MOCOS: variants seen among roughly 807,000 people sequenced by gnomAD.
MOCOS encodes molybdenum cofactor sulfurase.
A neutral mutation model predicts 83.6 loss-of-function variants in MOCOS; 86 were observed. The observed-to-expected ratio is 1.03, with a 90% CI of 0.86 to 1.23. The LOEUF is 1.23. Ranked by LOEUF, MOCOS falls within the 50% of genes most tolerant of loss-of-function variation. MOCOS has a pLI of 0.00. For missense variants in MOCOS, 1,120 were observed against 1,126.9 expected (o/e 0.99, Z 0.09); for synonymous variants, 445 against 434.7 (o/e 1.02, Z -0.29).
chr18:36,231,642 G>C (rs1225222350), intron 9 of MOCOS, among the ~76,000 whole-genome samples: 1 of 152,184 alleles, frequency 6.6e-6, no homozygotes, highest in Non-Finnish European at 1.5e-5. Flanking sequence ...AATGAGATTT[G>C]ACACTCTATG....
chr18:36,204,154 T>A (rs142333990), intron 5 of MOCOS, among the ~76,000 whole-genome samples: 5 of 152,350 alleles, frequency 3.3e-5, no homozygotes, highest in African/African-American at 1.2e-4. Context: ...CACAATGTCG[T>A]GCCACCATCA....
chr18:36,213,661 G>A (rs1428052960), intron 7 of MOCOS, among the ~76,000 whole-genome samples, 179 bp downstream of exon 7: 1 of 152,250 alleles, frequency 6.6e-6, no homozygotes, highest in Non-Finnish European at 1.5e-5. Flanking sequence ...GGGTGCGGTG[G>A]CTCACGCCTG....
At chr18:36,204,887 G>A (rs562296959) in intron 5 of MOCOS, among the ~76,000 whole-genome samples, 190 bp from the exon 6 acceptor site, 1 of 150,620 alleles carries the variant, frequency 6.6e-6, no homozygotes, top group East Asian at 2.0e-4. Context: ...CAGCTACTTG[G>A]GAGGCTGAGG....
At chr18:36,235,440 G>A (rs551224070) in intron 9 of MOCOS, among the ~76,000 whole-genome samples, 1 of 125,572 alleles carries the variant, frequency 8.0e-6, no homozygotes, top group Non-Finnish European at 1.7e-5. Flanking sequence ...TTTCATCCAT[G>A]TCCCTACAAA....
At position 36,205,150 on chromosome 18, in the gene MOCOS, G is replaced by A; in HGVS notation, c.1092G>A (p.Gln364=). Residue 364 remains glutamine (Q), a synonymous_variant, in exon 6 of 15, where the codon CAG becomes CAA. Coordinates refer to ENST00000261326, the MANE Select transcript of MOCOS (RefSeq NM_017947.4). ...QYTYVALSSL[Q]YPNGAPVVRI... is the part of the protein sequence containing the mutation. ...CCTACGTGGCCCTGTCCTCTCTCCA[G>A]TACCCCAATGGAGCCCCTGTGGTGC... The A allele has an allele frequency of 6.2e-7, 1 of 1,613,588 alleles. No individual in the cohort carries two copies. Among genetic ancestry groups the A allele is most frequent in the South Asian group, 1.1e-5 (1 of 91,066 alleles).
intron 9 of MOCOS, among the ~76,000 whole-genome samples, chr18:36,220,513 G>GA (rs1197762549): frequency 1.3e-5 from 2 of 151,934 alleles, no homozygotes; most frequent in African/African-American, 4.8e-5. Flanking sequence ...TGTATCAAGG[G>GA]AAAAAATGGG....
intron 12 of MOCOS, 118 bp from the exon 13 acceptor site, chr18:36,259,919 A>G: frequency 7.2e-7 from 1 of 1,391,614 alleles, no homozygotes; most frequent in Non-Finnish European, 1.0e-6. Flanking sequence ...TATCCAGGGC[A>G]CAGGCCACAG....
intron 11 of MOCOS, among the ~76,000 whole-genome samples, chr18:36,256,442 A>AT (rs2091641860): frequency 1.3e-5 from 2 of 151,734 alleles, no homozygotes; most frequent in South Asian, 4.2e-4. Flanking sequence ...TTTTCATTTT[A>AT]TTTTTTTAAT....
intron 10 of MOCOS, among the ~76,000 whole-genome samples, chr18:36,250,593 A>G (rs1056010657): frequency 1.3e-5 from 2 of 152,182 alleles, no homozygotes; most frequent in Non-Finnish European, 2.9e-5. Context: ...ACTTGCACCA[A>G]TGTCACCAAC....
At position 36,269,839 on chromosome 18, in the gene MOCOS, C is replaced by T. The variant is rs956834292; in HGVS notation, c.*1154C>T. On this transcript the variant is annotated 3_prime_UTR_variant, in exon 15 of 15. Transcript: ENST00000261326. ...TGCAGCCCACTGCATCTTTTGAAAG[C>T]CTGTGCCACCCCATCTCTCCTGCTG... 6.6e-6 allele frequency: 1 copy of T among 152,246 alleles called. No homozygotes were observed. The highest frequency in any genetic ancestry group is 2.4e-5 in the African/African-American group (1 of 41,446). The allele number at this position is 152,246 out of a possible 1,614,324, so 9.4% of individuals were successfully genotyped here. A position where few individuals can be genotyped will look rare whatever the true frequency, so the allele number is the denominator to read the frequency against.
intron 5 of MOCOS, among the ~76,000 whole-genome samples, chr18:36,204,531 A>G (rs1292630284): frequency 6.6e-6 from 1 of 152,220 alleles, no homozygotes; most frequent in East Asian, 1.9e-4. Context: ...AAGTAACATT[A>G]TGTATAAAAA....
intron 10 of MOCOS, among the ~76,000 whole-genome samples, chr18:36,250,929 C>T (rs2091619466): frequency 1.3e-5 from 2 of 152,134 alleles, no homozygotes; most frequent in South Asian, 4.1e-4. Context: ...AAGGTCTTTC[C>T]AGGAGAAATG....
intron 1 of MOCOS, chr18:36,190,153 C>T (rs1445647376): frequency 1.3e-5 from 2 of 152,236 alleles, no homozygotes; most frequent in African/African-American, 4.8e-5. Context: ...TGAGATGCTC[C>T]CCAGCAGCTT....
At chr18:36,261,815 C>T (rs2091664318) in intron 13 of MOCOS, among the ~76,000 whole-genome samples, 1 of 152,004 alleles carries the variant, frequency 6.6e-6, no homozygotes, top group Non-Finnish European at 1.5e-5. Flanking sequence ...GTGTCTCTGC[C>T]ATGTTTTTTA....
At chr18:36,210,850 CAAAAAAAAAAAAAAAAAAAAA>C (rs60856965) in intron 6 of MOCOS, among the ~76,000 whole-genome samples, 1 of 48,070 alleles carries the variant, frequency 2.1e-5, no homozygotes, top group Non-Finnish European at 3.5e-5. Flanking sequence ...GACTCTGTCT[CAAAAAAAAAAAAAAAAAAAAA>C]AAAAAAAAAG....
chr18:36,191,020 C>CAAAAAA (rs113481286), intron 1 of MOCOS, among the ~76,000 whole-genome samples: 11,685 of 81,348 alleles, frequency 0.14, 2,669 homozygotes, highest in African/African-American at 0.44. Flanking sequence ...CCCTATCTCT[C>CAAAAAA]AAAAAAAAAA....
chr18:36,256,205 G>C (rs113538287), intron 11 of MOCOS, among the ~76,000 whole-genome samples: 8 of 152,044 alleles, frequency 5.3e-5, no homozygotes, highest in African/African-American at 1.9e-4. Flanking sequence ...CCTTTTAGTA[G>C]TTTTTAAACA....
chr18:36,262,009 G>A (rs118016675), intron 13 of MOCOS, among the ~76,000 whole-genome samples: 3 of 151,996 alleles, frequency 2.0e-5, no homozygotes, highest in African/African-American at 7.2e-5. Context: ...CAGGTATCTC[G>A]AGACATAAAT....
intron 1 of MOCOS, 30 bp from the exon 2 acceptor site, chr18:36,195,221 GTAAAAT>G (rs1347744044): frequency 8.2e-6 from 13 of 1,584,882 alleles, no homozygotes; most frequent in Middle Eastern, 1.7e-4. Context: ...CCAGATTCAG[GTAAAAT>G]TTTAGTATTT....
Sources: gnomAD v4.1 joint callset for allele counts (sites outside exome capture counted in the v4.1 genomes callset) on GRCh38, gnomAD v4.1.1 for gene constraint, MANE v1.5 for transcripts, NCBI Gene and HGNC (gene_info 2026-07-23, HGNC 2026-07-21) for gene names.